Variants in MICB observed in about 807,000 individuals in gnomAD.
MICB encodes the protein MHC class I antigen-related protein B.
A neutral mutation model predicts 34.3 loss-of-function variants in MICB; 27 were observed. That is an observed-to-expected ratio of 0.79 (90% CI 0.58 to 1.08). MICB has a LOEUF of 1.08. Ranked by LOEUF, MICB falls within the 50% of genes least tolerant of loss-of-function variation. The pLI is 0.00. For synonymous variants in MICB, 153 were observed against 187.4 expected (o/e 0.82, Z 1.50); for missense variants, 426 against 483.1 (o/e 0.88, Z 1.11).
At chr6:31,498,410 C>G in intron 1 of MICB, 147 bp downstream of exon 1, 1 of 421,872 alleles carries the variant, frequency 2.4e-6, no homozygotes, top group Non-Finnish European at 4.1e-6. Context: ...CGCCTGTTCC[C>G]GCCACACCTC....
At chr6:31,504,023 CATT>C (rs1765148505) in intron 1 of MICB, among the ~76,000 whole-genome samples, 1 of 148,388 alleles carries the variant, frequency 6.7e-6, no homozygotes, top group Non-Finnish European at 1.5e-5. Context: ...AGTGGTATCT[CATT>C]GTGGTTTGGA....
At chr6:31,506,060 G>T in intron 2 of MICB, 83 bp from the exon 3 acceptor site, 1 of 1,507,964 alleles carries the variant, frequency 6.6e-7, no homozygotes, top group South Asian at 1.3e-5. Flanking sequence ...GGCCAGGGAG[G>T]GGTCGCTGCT....
rs1765377315 is a variant in MICB, at chr6:31,507,041, C to T, written c.633C>T (p.Val211=). 2 of 1,613,594 alleles carry T rather than the reference C, an allele frequency of 1.2e-6. No homozygotes were observed. Among genetic ancestry groups the T allele is most frequent in the Non-Finnish European group, 1.7e-6 (2 of 1,179,700 alleles). ...CTCCAGTGCCCCCCATGGTGAATGTCACCTGCAGCGAGGTCTCAGAGGGCA... is the reference window on the plus strand; with the variant it reads ...CTCCAGTGCCCCCCATGGTGAATGTTACCTGCAGCGAGGTCTCAGAGGGCA... ...IRRTVPPMVN[V]TCSEVSEGNI... The change falls in exon 4 of 6, where the codon GTC becomes GTT. Residue 211 remains valine (V), a synonymous_variant. Coordinates refer to ENST00000252229, the MANE Select transcript of MICB (RefSeq NM_005931.5). The surrounding 1 kb of genome is among the most constrained non-coding windows in gnomAD (Gnocchi z 6.0).
At chr6:31,509,055 C>T (rs1418635701) in intron 5 of MICB, among the ~76,000 whole-genome samples, 2 of 152,098 alleles carry the variant, frequency 1.3e-5, no homozygotes, top group Admixed American at 6.5e-5. Flanking sequence ...AGGAAGGCCT[C>T]ACAGCCTCAC....
intron 2 of MICB, 67 bp downstream of exon 2, chr6:31,505,938 G>A (rs1247873978): frequency 1.3e-6 from 2 of 1,519,230 alleles, no homozygotes; most frequent in Non-Finnish European, 8.9e-7. Context: ...AGAGAGCAGG[G>A]ACCTGTCTCT....
At chr6:31,503,657 CATT>C (rs1159247424) in intron 1 of MICB, among the ~76,000 whole-genome samples, 3 of 152,136 alleles carry the variant, frequency 2.0e-5, no homozygotes, top group African/African-American at 7.2e-5. Flanking sequence ...GAATAATACT[CATT>C]ATATGTATGT....
intron 5 of MICB, among the ~76,000 whole-genome samples, chr6:31,508,205 G>A (rs755307638): frequency 7.9e-5 from 12 of 152,170 alleles, no homozygotes; most frequent in Non-Finnish European, 1.6e-4. Flanking sequence ...ACAGTCCCCA[G>A]GCGCCATCTC....
chr6:31,505,264 C>G (rs1765237253), intron 1 of MICB, among the ~76,000 whole-genome samples: 1 of 152,200 alleles, frequency 6.6e-6, no homozygotes, highest in African/African-American at 2.4e-5. Context: ...CCCATTCCCA[C>G]TGTCCCCTCT....
At chr6:31,495,898 A>G (rs554713297), upstream of MICB, among the ~76,000 whole-genome samples, 3 of 135,080 alleles carry the variant, frequency 2.2e-5, no homozygotes, top group Non-Finnish European at 4.8e-5. Context: ...AAAAAATAAA[A>G]TAAAGTAAAT....
intron 1 of MICB, among the ~76,000 whole-genome samples, chr6:31,498,492 G>C (rs71563345): frequency 8.2e-6 from 1 of 121,330 alleles, no homozygotes; most frequent in Non-Finnish European, 1.6e-5. Flanking sequence ...TTCTTTCTGA[G>C]ACGGAGTCTC....
chr6:31,498,130 C>A, upstream of MICB: 2 of 1,395,752 alleles, frequency 1.4e-6, no homozygotes, highest in Non-Finnish European at 2.0e-6. Flanking sequence ...TCGACGGGGT[C>A]TTCTCACGGG....
At chr6:31,496,366 C>CTTTTTTTTTTTTTT (rs3034154), upstream of MICB, among the ~76,000 whole-genome samples, 2 of 121,636 alleles carry the variant, frequency 1.6e-5, no homozygotes, top group Non-Finnish European at 3.3e-5. Context: ...TCCTTTTTTT[C>CTTTTTTTTTTTTTT]TTTTTTTTTT....
At chr6:31,506,657 G>T (rs1372314283) in intron 3 of MICB, among the ~76,000 whole-genome samples, 1 of 152,216 alleles carries the variant, frequency 6.6e-6, no homozygotes, top group African/African-American at 2.4e-5. Flanking sequence ...CCCTCTGACA[G>T]AAGCCTGAGC....
chr6:31,498,094 C>G (rs1764766344), upstream of MICB: 1 of 963,002 alleles, frequency 1.0e-6, no homozygotes, highest in African/African-American at 1.7e-5. Flanking sequence ...TAAGCGGTCG[C>G]TGAGCGGGGC....
At chr6:31,509,200 T>TG (rs766552757) in intron 5 of MICB, among the ~76,000 whole-genome samples, 35 of 152,212 alleles carry the variant, frequency 2.3e-4, no homozygotes, top group Non-Finnish European at 3.5e-4. Flanking sequence ...TCGAGCAAGG[T>TG]GGGGGGTCCC....
intron 3 of MICB, 123 bp downstream of exon 3, chr6:31,506,553 G>A: frequency 9.1e-7 from 1 of 1,103,126 alleles, no homozygotes; most frequent in Non-Finnish European, 1.3e-6. Flanking sequence ...TTGGCATATT[G>A]TGTCCTGATT....
In MICB at chr6:31,500,434, A is replaced by G. The variant is rs188935761; in HGVS notation, c.70+2171A>G. ...GGGTTATCTATCACAACAAGCATTTATCCTTTCTTTGTGCTACAAACAATC... is the reference window on the plus strand; with the variant it reads ...GGGTTATCTATCACAACAAGCATTTGTCCTTTCTTTGTGCTACAAACAATC... On this transcript the variant is annotated intron_variant, in intron 1 of 5. Coordinates refer to ENST00000252229, the MANE Select transcript of MICB (RefSeq NM_005931.5). Among the ~76,000 whole-genome samples, 151 of 152,320 alleles carry G rather than the reference A, an allele frequency of 9.9e-4. 8 individuals are homozygous for G. The South Asian group carries it at 0.024, about 24-fold the overall frequency.
Position 31,498,260 on chromosome 6 carries a change from G to A in MICB, c.67G>A (p.Ala23Thr), listed in dbSNP as rs757799514. 9 of 1,568,216 alleles carry A rather than the reference G, an allele frequency of 5.7e-6. No individual in the cohort carries two copies. Among genetic ancestry groups the A allele is most frequent in the Non-Finnish European group, 6.9e-6 (8 of 1,154,744 alleles). ...AFPFAPPAAAAEPHSLRYNLM... is the reference protein window; with the variant it reads ...AFPFAPPAAATEPHSLRYNLM... ...CCCTTTTGCACCCCCGGCAGCCGCC[G>A]CTGGTGAGTGGGGTTCCTGGCGGTC... Residue 23 changes from alanine to threonine, a missense_variant, in exon 1 of 6, where the codon GCT (alanine) becomes ACT (threonine). Ala to Thr is a moderately conservative substitution (Grantham distance 58). Transcript: ENST00000252229.
intron 1 of MICB, among the ~76,000 whole-genome samples, chr6:31,500,560 T>A (rs1436380547): frequency 6.6e-6 from 1 of 152,208 alleles, no homozygotes. Context: ...TCTAACTATA[T>A]TTTTGTACCC....
Sources: allele counts gnomAD v4.1 joint callset (sites outside exome capture counted in the v4.1 genomes callset), GRCh38; gene constraint gnomAD v4.1.1; non-coding constraint Gnocchi (gnomAD v3.1); transcripts MANE v1.5; gene names NCBI Gene and HGNC (gene_info 2026-07-23, HGNC 2026-07-21).